MRPL49: variants seen among roughly 807,000 people sequenced by gnomAD.
MRPL49 encodes large ribosomal subunit protein mL49.
In MRPL49, 14 loss-of-function variants were observed where a neutral mutation model predicts 18.4. That is an observed-to-expected ratio of 0.76 (90% CI 0.50 to 1.19). The LOEUF is 1.19. MRPL49 is among the 50% of genes most tolerant of loss of function. The pLI, the probability that MRPL49 is intolerant of heterozygous loss-of-function variation, is 0.00. For synonymous variants in MRPL49, 104 were observed against 86.2 expected (o/e 1.21, Z -1.14); for missense variants, 190 against 217.8 (o/e 0.87, Z 0.80).
chr11:65,127,320 G>A lies in MRPL49; in HGVS notation c.*1448G>A. 1 of 411,008 alleles carries A rather than the reference G, an allele frequency of 2.4e-6. No homozygotes were observed. The highest frequency in any genetic ancestry group is 4.3e-6 in the Non-Finnish European group (1 of 231,782). The allele number at this position is 411,008 out of a possible 1,614,324, so 25.5% of individuals were successfully genotyped here. A position where few individuals can be genotyped will look rare whatever the true frequency, so the allele number is the denominator to read the frequency against. On this transcript the variant is annotated 3_prime_UTR_variant, in exon 4 of 4. Transcript: ENST00000279242. The stretch of plus-strand genomic sequence containing the variant: ...TTATTTGGCTGTATATACAATTTAA[G>A]CTATTAAAATTTGTACAATATTTAC...
At chr11:65,125,392 G>C in intron 2 of MRPL49, 96 bp from the exon 3 acceptor site, 1 of 1,532,528 alleles carries the variant, frequency 6.5e-7, no homozygotes, top group Non-Finnish European at 8.9e-7. Flanking sequence ...GTCCAGCTGG[G>C]TGCACTGGCC....
chr11:65,126,254 C>G lies in MRPL49; in HGVS notation c.*382C>G, dbSNP rs1948100781. 6.2e-6 allele frequency: 1 copy of G among 160,996 alleles called. No homozygotes were observed. The highest frequency in any genetic ancestry group is 2.4e-5 in the African/African-American group (1 of 41,704). 10.0% of individuals were successfully genotyped at this position (160,996 alleles called of 1,614,324 possible). On this transcript the variant is annotated 3_prime_UTR_variant, in exon 4 of 4. Transcript: ENST00000279242. The stretch of plus-strand genomic sequence containing the variant: ...GGATCAAGGGATTCTCCTGCCTCAG[C>G]CTCTTGAGTAGCTGGGATTACAGGC...
Position 65,125,565 on chromosome 11 carries a change from G to A in MRPL49, c.307G>A (p.Gly103Ser), listed in dbSNP as rs2137226140. Residue 103 changes from glycine (G) to serine (S), a missense_variant, in exon 3 of 4, where the codon GGC becomes AGC. Gly to Ser is a moderately conservative substitution (Grantham distance 56). Transcript: ENST00000279242. ...CCCCGTCTACAAGGACATCACGCATGGCAACCGGCAGATGACTGTGATCCG... is the reference window on the plus strand; with the variant it reads ...CCCCGTCTACAAGGACATCACGCATAGCAACCGGCAGATGACTGTGATCCG... ...NIPVYKDITH[G>S]NRQMTVIRKV... 1 of 1,614,188 alleles carries A rather than the reference G, an allele frequency of 6.2e-7. No individual in the cohort carries two copies. The highest frequency in any genetic ancestry group is 1.1e-5 in the South Asian group (1 of 91,078).
At chr11:65,122,457 G>A (rs1160306639) in intron 1 of MRPL49, 33 bp downstream of exon 1, 2 of 1,591,768 alleles carry the variant, frequency 1.3e-6, no homozygotes, top group East Asian at 4.5e-5. Flanking sequence ...TGAGGGCATC[G>A]CGTGGGTGTG....
In MRPL49 at chr11:65,125,550, A is replaced by G. The variant is rs773537282; in HGVS notation, c.292A>G (p.Lys98Glu). The change falls in exon 3 of 4, where the codon AAG becomes GAG. Residue 98 changes from lysine to glutamate, a missense_variant. By Grantham distance (56) the Lys-to-Glu change is moderately conservative. Transcript: ENST00000279242. The stretch of plus-strand genomic sequence containing the variant: ...TCGGATGCACAACATCCCCGTCTAC[A>G]AGGACATCACGCATGGCAACCGGCA... The part of the protein sequence containing the change: ...RSRMHNIPVY[K>E]DITHGNRQMT... 6.8e-6 allele frequency: 11 copies of G among 1,614,184 alleles called. No individual in the cohort carries two copies. The highest frequency in any genetic ancestry group is 1.6e-4 in the Middle Eastern group (1 of 6,062).
Position 65,122,380 on chromosome 11 carries a change from G to A in MRPL49, c.34G>A (p.Gly12Arg). The A allele has an allele frequency of 6.2e-7, 1 of 1,613,364 alleles. No homozygotes were observed. The highest frequency in any genetic ancestry group is 8.5e-7 in the Non-Finnish European group (1 of 1,179,732). ...TACCATGTTCCGGGCTACGCTGCGGGGATGGAGAACCGGTGTCCAGCGGGG... is the reference window on the plus strand; with the variant it reads ...TACCATGTTCCGGGCTACGCTGCGGAGATGGAGAACCGGTGTCCAGCGGGG... ...AATMFRATLR[G>R]WRTGVQRGCG... Residue 12 changes from glycine to arginine, a missense_variant, in exon 1 of 4, where the codon GGA becomes AGA. By Grantham distance (125) the Gly-to-Arg change is moderately radical (BLOSUM62 -2). Transcript: ENST00000279242.
intron 2 of MRPL49, chr11:65,124,915 G>A (rs892791074): frequency 5.2e-6 from 2 of 388,084 alleles, no homozygotes; most frequent in Non-Finnish European, 9.2e-6. Context: ...AAACCCAAGA[G>A]CTTGGACCTT....
chr11:65,126,061 T>TA lies in MRPL49; in HGVS notation c.*191dup, dbSNP rs756009213. 52 of 600,368 alleles carry TA rather than the reference T, an allele frequency of 8.7e-5. No homozygotes were observed. The highest frequency in any genetic ancestry group is 3.7e-4 in the East Asian group (12 of 32,270). The allele number at this position is 600,368 out of a possible 1,614,324, so 37.2% of individuals were successfully genotyped here. A position where few individuals can be genotyped will look rare whatever the true frequency, so the allele number is the denominator to read the frequency against. Reference sequence around the variant, plus strand: ...TATGTACATGCTGGGGGAGAGTGCCTAATGTGGGAGACCAAATAGGGATCA... The same window carrying TA: ...TATGTACATGCTGGGGGAGAGTGCCTAAATGTGGGAGACCAAATAGGGATCA... On this transcript the variant is annotated 3_prime_UTR_variant, in exon 4 of 4. Coordinates refer to ENST00000279242, the MANE Select transcript of MRPL49 (RefSeq NM_004927.4).
chr11:65,123,774 A>G (rs1948075705), intron 1 of MRPL49, among the ~76,000 whole-genome samples: 1 of 152,176 alleles, frequency 6.6e-6, no homozygotes, highest in African/African-American at 2.4e-5. Flanking sequence ...AAAAATGAGT[A>G]TTACATAATT....
intron 1 of MRPL49, among the ~76,000 whole-genome samples, chr11:65,123,013 C>T (rs1358861815): frequency 6.6e-6 from 1 of 152,200 alleles, no homozygotes; most frequent in African/African-American, 2.4e-5. Context: ...GCCGCCGAAC[C>T]CGTCTGATTG....
At chr11:65,125,175 C>T in intron 2 of MRPL49, 2 of 410,386 alleles carry the variant, frequency 4.9e-6, no homozygotes, top group Non-Finnish European at 8.8e-6. Context: ...ATTTCGGCCT[C>T]CCTGACCCAG....
rs1485080041 is a variant in MRPL49 at position 65,127,232 on chromosome 11, G to C, written c.*1360G>C. The C allele has an allele frequency of 1.9e-6, 1 of 533,214 alleles. No homozygotes were observed. Among genetic ancestry groups the C allele is most frequent in the Non-Finnish European group, 3.3e-6 (1 of 301,730 alleles). 33.0% of individuals were successfully genotyped at this position (533,214 alleles called of 1,614,324 possible). On this transcript the variant is annotated 3_prime_UTR_variant, in exon 4 of 4. Coordinates refer to ENST00000279242, the MANE Select transcript of MRPL49 (RefSeq NM_004927.4). Reference sequence around the variant, plus strand: ...ATTTTCAAGTGTACAGCCACAGCAAGGAGCCCGACACTGATTTGATCGATT... The same window carrying C: ...ATTTTCAAGTGTACAGCCACAGCAACGAGCCCGACACTGATTTGATCGATT...
chr11:65,123,051 T>G (rs1948068944), intron 1 of MRPL49, among the ~76,000 whole-genome samples: 3 of 152,154 alleles, frequency 2.0e-5, no homozygotes, highest in Admixed American at 6.5e-5. Flanking sequence ...ATCATAAGAT[T>G]AAACATCACT....
chr11:65,124,950 T>A (rs1948086374), intron 2 of MRPL49: 1 of 342,814 alleles, frequency 2.9e-6, no homozygotes, highest in Non-Finnish European at 5.3e-6. Flanking sequence ...GACTATGTAC[T>A]GTAATTAAGA....
In MRPL49 at chr11:65,126,088, C is replaced by T; in HGVS notation, c.*216C>T. 1 of 501,592 alleles carries T rather than the reference C, an allele frequency of 2.0e-6. No individual in the cohort carries two copies. 31.1% of individuals were successfully genotyped at this position (501,592 alleles called of 1,614,324 possible). ...ATGTGGGAGACCAAATAGGGATCAC[C>T]AGGCTAATGGGGGGCGTCAGCAGCT... On this transcript the variant is annotated 3_prime_UTR_variant, in exon 4 of 4. Coordinates refer to ENST00000279242, the MANE Select transcript of MRPL49 (RefSeq NM_004927.4).
intron 1 of MRPL49, among the ~76,000 whole-genome samples, chr11:65,123,207 C>G (rs1333007873): frequency 1.3e-5 from 2 of 152,138 alleles, no homozygotes; most frequent in African/African-American, 4.8e-5. Flanking sequence ...GCTTGATTGA[C>G]TTTTCAGAAG....
At chr11:65,124,472 T>C (rs1200899776) in intron 1 of MRPL49, 30 bp from the exon 2 acceptor site, 1 of 1,608,626 alleles carries the variant, frequency 6.2e-7, no homozygotes, top group African/African-American at 1.3e-5. Flanking sequence ...GGTAGGCTAA[T>C]GGAGAAATGG....
At position 65,125,794 on chromosome 11, in the gene MRPL49, T is replaced by C. The variant is rs761669591; in HGVS notation, c.423T>C (p.Asn141=). ...LLGKTPVTQV[N]EVTGTLRIKG... ...GGAAGACACCTGTCACCCAGGTCAATGAGGTGACAGGTACCCTACGGATCA... is the reference window on the plus strand; with the variant it reads ...GGAAGACACCTGTCACCCAGGTCAACGAGGTGACAGGTACCCTACGGATCA... Residue 141 remains asparagine (N), a synonymous_variant, in exon 4 of 4, where the codon AAT becomes AAC. Transcript: ENST00000279242. 2 of 1,613,232 alleles carry C rather than the reference T, an allele frequency of 1.2e-6. No individual in the cohort carries two copies. The highest frequency in any genetic ancestry group is 1.1e-5 in the South Asian group (1 of 91,026).
chr11:65,122,961 C>T (rs1444199676), intron 1 of MRPL49, among the ~76,000 whole-genome samples: 5 of 152,020 alleles, frequency 3.3e-5, no homozygotes, highest in Non-Finnish European at 7.4e-5. Flanking sequence ...CCTCGTGATC[C>T]GCCCGCCTCG....
Sources: allele counts gnomAD v4.1 joint callset (sites outside exome capture counted in the v4.1 genomes callset), GRCh38; gene constraint gnomAD v4.1.1; transcripts MANE v1.5; gene names NCBI Gene and HGNC (gene_info 2026-07-23, HGNC 2026-07-21).